Variants in MTIF2 observed in about 807,000 individuals in gnomAD.
MTIF2 encodes mitochondrial translational initiation factor 2, also known as translation initiation factor IF-2, mitochondrial.
MTIF2 carries 71 observed loss-of-function variants against 83.5 expected under a neutral mutation model. That is an observed-to-expected ratio of 0.85 (90% CI 0.70 to 1.04). The LOEUF (loss-of-function observed/expected upper bound fraction) is 1.04, where lower values mean the gene tolerates loss of function less well. Ranked by LOEUF, MTIF2 falls within the 50% of genes least tolerant of loss-of-function variation. The probability of loss-of-function intolerance (pLI) is 0.00; values close to 1 mark genes in which losing one functional copy is unlikely to be tolerated. For synonymous variants in MTIF2, 319 were observed against 287.1 expected (o/e 1.11, Z -1.12); for missense variants, 957 against 846.5 (o/e 1.13, Z -1.62).
chr2:55,263,962 C>G, intron 3 of MTIF2, 97 bp from the exon 4 acceptor site: 1 of 872,900 alleles, frequency 1.1e-6, no homozygotes. Context: ...CTACACTTAG[C>G]TCACTAGACT....
At chr2:55,244,430 C>G (rs1344150676) in intron 10 of MTIF2, among the ~76,000 whole-genome samples, 197 bp from the exon 11 acceptor site, 1 of 152,148 alleles carries the variant, frequency 6.6e-6, no homozygotes. Context: ...CCCAGCTATT[C>G]AGCAGGCTAA....
chr2:55,252,750 C>A, intron 7 of MTIF2, 97 bp from the exon 8 acceptor site: 1 of 815,248 alleles, frequency 1.2e-6, no homozygotes, highest in Non-Finnish European at 1.9e-6. Flanking sequence ...ATCAATAATT[C>A]TTTAAAATAA....
At chr2:55,265,244 GAA>G (rs540213481) in intron 3 of MTIF2, among the ~76,000 whole-genome samples, 33 of 116,346 alleles carry the variant, frequency 2.8e-4, no homozygotes, top group African/African-American at 7.6e-4. Context: ...ACTCTGTCTT[GAA>G]AAAAAAAAAA....
At chr2:55,266,749 T>C (rs1678459087) in intron 3 of MTIF2, among the ~76,000 whole-genome samples, 1 of 148,344 alleles carries the variant, frequency 6.7e-6, no homozygotes, top group Non-Finnish European at 1.5e-5. Flanking sequence ...AGGCATTAAA[T>C]GCTACATTTC....
chr2:55,241,427 AAAACCAACCCAAAAAGAAAAAAAAGC>A (rs1448681379), intron 13 of MTIF2, among the ~76,000 whole-genome samples: 1 of 151,074 alleles, frequency 6.6e-6, no homozygotes, highest in Non-Finnish European at 1.5e-5. Flanking sequence ...CAAAAAAAAA[AAAACCAACCCAAAAAGAAAAAAAAGC>A]AAAACACTCT....
intron 5 of MTIF2, among the ~76,000 whole-genome samples, chr2:55,260,710 T>A (rs986371518): frequency 1.3e-5 from 2 of 152,126 alleles, no homozygotes; most frequent in Non-Finnish European, 2.9e-5. Flanking sequence ...AGCCTGTAAA[T>A]AAGGATACCT....
chr2:55,237,405 A>T lies in MTIF2; in HGVS notation c.1894T>A (p.Phe632Ile). 4 of 1,612,648 alleles carry T rather than the reference A, an allele frequency of 2.5e-6. No homozygotes were observed. The highest frequency in any genetic ancestry group is 3.4e-6 in the Non-Finnish European group (4 of 1,179,860). The change falls in exon 15 of 16, where the codon TTC becomes ATC. Residue 632 changes from phenylalanine (F) to isoleucine (I), a missense_variant. Physicochemically the swap from Phe to Ile is conservative, Grantham distance 21 (BLOSUM62 0). Transcript: ENST00000263629. ...PVGEASILAT[F>I]SVTEGKKKVP... is the part of the protein sequence containing the mutation. ...TTTTTCTTCCCTTCTGTTACAGAGA[A>T]GGTAGCTAGTATAGATGCCTCACCT...
chr2:55,256,766 A>T (rs2920967), intron 5 of MTIF2, among the ~76,000 whole-genome samples: 1 of 151,536 alleles, frequency 6.6e-6, no homozygotes, highest in Non-Finnish European at 1.5e-5. Flanking sequence ...GTGCAGTGGC[A>T]CAATCCTAAC....
Position 55,244,191 on chromosome 2 carries a change from T to A in MTIF2, c.1149A>T (p.Lys383Asn). Residue 383 changes from lysine to asparagine, a missense_variant, in exon 11 of 16, where the codon AAA (lysine) becomes AAT (asparagine). Coordinates refer to ENST00000263629, the MANE Select transcript of MTIF2 (RefSeq NM_002453.3). ...ATTTTCCAGCAACCAGAACAGAGCC[T>A]TTTCTTAAAGTTCCTCTTTGAATTA... The part of the protein sequence containing the change: ...TAIIQRGTLR[K>N]GSVLVAGKCW... 1 of 1,614,056 alleles carries A rather than the reference T, an allele frequency of 6.2e-7. No homozygotes were observed. The highest frequency in any genetic ancestry group is 2.2e-5 in the East Asian group (1 of 44,872).
In MTIF2 at chr2:55,242,898, A is replaced by G. The variant is rs746030702; in HGVS notation, c.1705+42T>C. On this transcript the variant is annotated intron_variant, in intron 13 of 15. Coordinates refer to ENST00000263629, the MANE Select transcript of MTIF2 (RefSeq NM_002453.3). The stretch of plus-strand genomic sequence containing the variant: ...AGACAGAAGCAGATGGTTCAGTGTT[A>G]TTTGGGGAACACAGATTAACAAGAA... The G allele has an allele frequency of 1.9e-6, 3 of 1,580,922 alleles. No homozygotes were observed. The East Asian group carries it at 6.8e-5, about 36-fold the overall frequency.
rs562036676 is a variant in MTIF2 at position 55,245,352 on chromosome 2, G to A, written c.1106+985C>T. On this transcript the variant is annotated intron_variant, in intron 10 of 15. Transcript: ENST00000263629. ...GCCTGGTCAACATGGTGAAAATCCT[G>A]TCTCTAAAAAAATACAAAAATTAGC... 3.2e-4 allele frequency among the ~76,000 whole-genome samples: 48 copies of A among 152,114 alleles called. No individual in the cohort carries two copies. In the Middle Eastern group the frequency reaches 0.017, roughly 54 times the overall value.
intron 13 of MTIF2, among the ~76,000 whole-genome samples, chr2:55,242,017 A>G (rs1676352802): frequency 6.6e-6 from 1 of 150,802 alleles, no homozygotes; most frequent in Non-Finnish European, 1.5e-5. Flanking sequence ...ATGGTGGTGC[A>G]CGCCTATAAT....
At chr2:55,261,094 C>A (rs1677944333) in intron 5 of MTIF2, among the ~76,000 whole-genome samples, 2 of 151,794 alleles carry the variant, frequency 1.3e-5, no homozygotes, top group East Asian at 3.9e-4. Flanking sequence ...TCACGCCATT[C>A]TCCTGCCTCA....
intron 5 of MTIF2, among the ~76,000 whole-genome samples, chr2:55,260,255 C>T (rs1203567383): frequency 2.0e-5 from 3 of 151,700 alleles, no homozygotes; most frequent in Non-Finnish European, 4.4e-5. Flanking sequence ...CAAAATTAGC[C>T]GGGCGTGGTG....
At chr2:55,259,459 A>T (rs1677791173) in intron 5 of MTIF2, among the ~76,000 whole-genome samples, 1 of 150,812 alleles carries the variant, frequency 6.6e-6, no homozygotes, top group Admixed American at 6.7e-5. Flanking sequence ...ATAAAGAATT[A>T]TGGTTATGGG....
intron 8 of MTIF2, among the ~76,000 whole-genome samples, chr2:55,251,111 A>C (rs13015664): frequency 7.8e-4 from 3 of 3,834 alleles, no homozygotes; most frequent in East Asian, 0.034. Flanking sequence ...ACTCCGTCTC[A>C]AAAAAAAAAA....
chr2:55,262,722 T>G, intron 4 of MTIF2, among the ~76,000 whole-genome samples: 1 of 69,806 alleles, frequency 1.4e-5, no homozygotes, highest in East Asian at 3.5e-4. Context: ...TTTGTATTTT[T>G]TTTTTTTGTT....
intron 3 of MTIF2, among the ~76,000 whole-genome samples, chr2:55,265,502 T>C (rs1678364152): frequency 6.6e-6 from 1 of 151,966 alleles, no homozygotes; most frequent in African/African-American, 2.4e-5. Context: ...TTTCTATAAA[T>C]TGTAAAGTCA....
chr2:55,249,314 T>A lies in MTIF2; in HGVS notation c.981+81A>T, dbSNP rs531969734. 3.6e-5 allele frequency: 54 copies of A among 1,480,260 alleles called. No individual in the cohort carries two copies. In the African/African-American group the frequency reaches 7.2e-4, roughly 20 times the overall value. 91.7% of individuals were successfully genotyped at this position (1,480,260 alleles called of 1,614,324 possible). ...ACAACACAAATTATGTACATCAAAA[T>A]GTTCTTTAGATGTAATATACTGTGT... On this transcript the variant is annotated intron_variant, in intron 9 of 15. Transcript: ENST00000263629.
Sources: allele counts gnomAD v4.1 joint callset (sites outside exome capture counted in the v4.1 genomes callset), GRCh38; gene constraint gnomAD v4.1.1; transcripts MANE v1.5; gene names NCBI Gene and HGNC (gene_info 2026-07-23, HGNC 2026-07-21).